Variants in GPC5 observed in about 807,000 individuals in gnomAD.
The protein encoded by GPC5 is glypican 5, also known as glypican-5.
A neutral mutation model predicts 53.9 loss-of-function variants in GPC5; 47 were observed. That is an observed-to-expected ratio of 0.87 (90% CI 0.69 to 1.11). GPC5 has a LOEUF of 1.11. GPC5 is among the 50% of genes most tolerant of loss of function. GPC5 has a pLI of 0.00. For synonymous variants in GPC5, 286 were observed against 263.3 expected, an observed-to-expected ratio of 1.09 and a Z score of -0.84; for missense variants, 748 against 713.1, an observed-to-expected ratio of 1.05 and a Z score of -0.56.
intron 6 of GPC5, among the ~76,000 whole-genome samples, chr13:92,041,687 C>A (rs1264475864): frequency 2.0e-5 from 3 of 152,148 alleles, no homozygotes; most frequent in Admixed American, 2.0e-4. Context: ...AATGATTACG[C>A]CTTTATTCAT....
intron 2 of GPC5, among the ~76,000 whole-genome samples, chr13:91,585,151 G>C (rs77885757): frequency 0.074 from 11,285 of 152,118 alleles, 512 homozygotes; most frequent in Middle Eastern, 0.13. Flanking sequence ...AATATGAAAA[G>C]ATTGCCAATA....
chr13:91,641,531 TG>T (rs1362168279), intron 2 of GPC5, among the ~76,000 whole-genome samples: 1 of 152,194 alleles, frequency 6.6e-6, no homozygotes, highest in Non-Finnish European at 1.5e-5. Context: ...ACCTACATGA[TG>T]GGCTGACAGA....
intron 2 of GPC5, among the ~76,000 whole-genome samples, chr13:91,575,336 C>A (rs1336205114): frequency 6.6e-6 from 1 of 152,018 alleles, no homozygotes; most frequent in Non-Finnish European, 1.5e-5. Flanking sequence ...GAAATGTTAA[C>A]CCCACGTGAG....
chr13:92,510,708 T>C (rs1880533046), intron 7 of GPC5, among the ~76,000 whole-genome samples: 1 of 152,212 alleles, frequency 6.6e-6, no homozygotes, highest in African/African-American at 2.4e-5. Context: ...TGGCTCTGGC[T>C]CCTAGATCTC....
intron 2 of GPC5, among the ~76,000 whole-genome samples, chr13:91,588,382 A>C (rs1348407437): frequency 6.6e-6 from 1 of 152,112 alleles, no homozygotes; most frequent in Non-Finnish European, 1.5e-5. Flanking sequence ...CACACTGCCA[A>C]ATATTGACTA....
At chr13:92,641,612 A>G (rs1885596951) in intron 7 of GPC5, among the ~76,000 whole-genome samples, 1 of 152,082 alleles carries the variant, frequency 6.6e-6, no homozygotes, top group Non-Finnish European at 1.5e-5. Flanking sequence ...ATTGCAGTTT[A>G]TTTTACTTCC....
At chr13:92,197,144 A>G (rs561797622) in intron 7 of GPC5, among the ~76,000 whole-genome samples, 5 of 152,072 alleles carry the variant, frequency 3.3e-5, no homozygotes, top group Admixed American at 6.6e-5. Context: ...GGGTATTCCT[A>G]ATACCCTTTG....
At chr13:91,518,097 C>T (rs1171438752) in intron 2 of GPC5, among the ~76,000 whole-genome samples, 1 of 152,150 alleles carries the variant, frequency 6.6e-6, no homozygotes, top group Admixed American at 6.5e-5. Flanking sequence ...TTACATTACA[C>T]AAGGAACACA....
chr13:92,157,121 AT>A (rs2041950760), intron 7 of GPC5, among the ~76,000 whole-genome samples: 4 of 152,164 alleles, frequency 2.6e-5, no homozygotes. Flanking sequence ...CAAGTAGACT[AT>A]TTTTGGATTT....
chr13:91,414,267 G>C (rs1332194271), intron 1 of GPC5, among the ~76,000 whole-genome samples: 2 of 152,140 alleles, frequency 1.3e-5, no homozygotes, highest in Admixed American at 1.3e-4. Context: ...TTTTATAAGG[G>C]GCTTTTTCCC....
intron 5 of GPC5, among the ~76,000 whole-genome samples, chr13:91,901,918 C>A (rs527645741): frequency 3.3e-4 from 50 of 151,954 alleles, no homozygotes; most frequent in African/African-American, 1.1e-3. Flanking sequence ...GAATAACAAC[C>A]ACAACATGGC....
intron 2 of GPC5, among the ~76,000 whole-genome samples, chr13:91,471,171 A>G (rs761574191): frequency 3.9e-5 from 6 of 152,170 alleles, no homozygotes; most frequent in Non-Finnish European, 8.8e-5. Flanking sequence ...GGTGTTGTGC[A>G]GAAGAAAATT....
At chr13:92,765,918 C>T (rs1875387436) in intron 7 of GPC5, among the ~76,000 whole-genome samples, 1 of 151,736 alleles carries the variant, frequency 6.6e-6, no homozygotes, top group South Asian at 2.1e-4. Flanking sequence ...ATAGTAAAGA[C>T]TTGTTCTGGC....
rs544549172 is a variant in GPC5, at chr13:92,462,313, C to A, written c.1561+317324C>A. On this transcript the variant is annotated intron_variant, in intron 7 of 7. Coordinates refer to ENST00000377067, the MANE Select transcript of GPC5 (RefSeq NM_004466.6). ...GGTGAGAGGTGGTGGTGAAGTCAGC[C>A]AGGGCAATACCAGCAGAGGCGGTGA... Among the ~76,000 whole-genome samples, 10 of 152,074 alleles carry A rather than the reference C, an allele frequency of 6.6e-5. No individual in the cohort carries two copies. The South Asian group carries it at 1.9e-3, about 28-fold the overall frequency.
chr13:91,494,895 C>T (rs968062927), intron 2 of GPC5, among the ~76,000 whole-genome samples: 3 of 152,160 alleles, frequency 2.0e-5, no homozygotes, highest in Non-Finnish European at 4.4e-5. Context: ...CATCTGTTCT[C>T]ACTTTAAAAA....
Position 92,203,665 on chromosome 13 carries a change from AATAAAT to A in GPC5, c.1561+58678_1561+58683del, listed in dbSNP as rs761909247. Among the ~76,000 whole-genome samples the A allele has an allele frequency of 6.9e-3, 1,025 of 149,322 alleles. 11 individuals are homozygous for A. The highest frequency in any genetic ancestry group is 0.038 in the Middle Eastern group (11 of 288). On this transcript the variant is annotated intron_variant, in intron 7 of 7. Coordinates refer to ENST00000377067, the MANE Select transcript of GPC5 (RefSeq NM_004466.6). ...AAAAATATATATATATAAAAAAATA[AATAAAT>A]AAAACCAAAATAATCTCTAGCAATT...
intron 2 of GPC5, among the ~76,000 whole-genome samples, chr13:91,579,624 CTTTTTTTT>C (rs3055895): frequency 1.7e-4 from 17 of 102,608 alleles, no homozygotes; most frequent in Admixed American, 4.5e-4. Context: ...TTTTCTTTTT[CTTTTTTTT>C]TTTTTTTTTT....
At chr13:92,118,955 A>G (rs2041622626) in intron 6 of GPC5, among the ~76,000 whole-genome samples, 1 of 152,240 alleles carries the variant, frequency 6.6e-6, no homozygotes, top group Non-Finnish European at 1.5e-5. Flanking sequence ...CCACTAAATA[A>G]TTTAAAGCAG....
intron 5 of GPC5, among the ~76,000 whole-genome samples, chr13:91,792,573 G>C (rs2037983153): frequency 6.6e-6 from 1 of 152,080 alleles, no homozygotes; most frequent in Non-Finnish European, 1.5e-5. Flanking sequence ...TTTGTTGATG[G>C]CTCATTCAAA....
Sources: gnomAD v4.1 joint callset for allele counts (sites outside exome capture counted in the v4.1 genomes callset) on GRCh38, gnomAD v4.1.1 for gene constraint, MANE v1.5 for transcripts, NCBI Gene and HGNC (gene_info 2026-07-23, HGNC 2026-07-21) for gene names.